RPS6KA5: variants seen among roughly 807,000 people sequenced by gnomAD.
RPS6KA5 encodes the protein ribosomal protein S6 kinase alpha-5.
RPS6KA5 carries 27 observed loss-of-function variants against 85.5 expected under a neutral mutation model. That is an observed-to-expected ratio of 0.32 (90% CI 0.23 to 0.44). The LOEUF is 0.44. Among genes scored for constraint, RPS6KA5 ranks in the 20% least tolerant of loss-of-function variants. The pLI, the probability that RPS6KA5 is intolerant of heterozygous loss-of-function variation, is 1.00. For synonymous variants in RPS6KA5, 334 were observed against 348.2 expected, an observed-to-expected ratio of 0.96 and a Z score of 0.46; for missense variants, 811 against 980.9, an observed-to-expected ratio of 0.83 and a Z score of 2.31.
intron 7 of RPS6KA5, among the ~76,000 whole-genome samples, chr14:90,913,485 C>G (rs2035944792): frequency 6.6e-6 from 1 of 151,380 alleles, no homozygotes; most frequent in African/African-American, 2.5e-5. Context: ...ATGGCTAAGG[C>G]TTCCTTAGTG....
At chr14:91,010,677 A>AT (rs1158371143) in intron 1 of RPS6KA5, among the ~76,000 whole-genome samples, 1 of 152,206 alleles carries the variant, frequency 6.6e-6, no homozygotes, top group Non-Finnish European at 1.5e-5. Context: ...TGTTCAAGGA[A>AT]TGAGGGTATA....
At chr14:90,895,148 ATGTGAGGCCTGGCACACC>A (rs2034765015) in intron 12 of RPS6KA5, among the ~76,000 whole-genome samples, 1 of 148,834 alleles carries the variant, frequency 6.7e-6, no homozygotes, top group African/African-American at 2.5e-5. Flanking sequence ...GGGTGTGCCC[ATGTGAGGCCTGGCACACC>A]CATCCAAGGC....
intron 1 of RPS6KA5, among the ~76,000 whole-genome samples, chr14:91,032,424 GCA>G (rs1300458215): frequency 6.6e-6 from 1 of 152,058 alleles, no homozygotes; most frequent in African/African-American, 2.4e-5. Context: ...AGCTAAACAC[GCA>G]CAGTTACTAT....
intron 8 of RPS6KA5, among the ~76,000 whole-genome samples, chr14:90,904,577 G>T (rs2035396858): frequency 6.6e-6 from 1 of 152,076 alleles, no homozygotes; most frequent in African/African-American, 2.4e-5. Context: ...CACATAACTT[G>T]TGCTTGGCCA....
At chr14:91,045,015 T>C (rs1284390465) in intron 1 of RPS6KA5, among the ~76,000 whole-genome samples, 1 of 152,038 alleles carries the variant, frequency 6.6e-6, no homozygotes, top group African/African-American at 2.4e-5. Flanking sequence ...TGGAAGTAGA[T>C]TTTTACCCAC....
chr14:91,050,572 G>T (rs556491185), intron 1 of RPS6KA5, among the ~76,000 whole-genome samples: 14 of 152,146 alleles, frequency 9.2e-5, no homozygotes, highest in African/African-American at 3.4e-4. Context: ...GGGATTATAG[G>T]CATCTGCCAC....
intron 1 of RPS6KA5, among the ~76,000 whole-genome samples, chr14:91,045,460 C>T (rs1258372794): frequency 4.6e-5 from 7 of 152,214 alleles, no homozygotes; most frequent in South Asian, 2.1e-4. Context: ...GATGGGGTTT[C>T]GCCGTGTTGG....
Position 90,871,696 on chromosome 14 carries a change from A to G in RPS6KA5, c.*378T>C, listed in dbSNP as rs1346635547. 1 of 158,870 alleles carries G rather than the reference A, an allele frequency of 6.3e-6. No homozygotes were observed. The allele number at this position is 158,870 out of a possible 1,614,324, so 9.8% of individuals were successfully genotyped here. On this transcript the variant is annotated 3_prime_UTR_variant, in exon 17 of 17. Transcript: ENST00000614987. ...AAGGGTGCAAATTTCAAAAACCCAC[A>G]TTGTCCACAAGGCAAAGCAAAAGGT...
chr14:90,953,729 A>G (rs535514808), intron 3 of RPS6KA5, among the ~76,000 whole-genome samples: 46 of 152,298 alleles, frequency 3.0e-4, no homozygotes, highest in African/African-American at 1.0e-3. Flanking sequence ...TGCAGTTGAG[A>G]TAAGGACTGA....
At chr14:90,943,254 T>C (rs2037680626) in intron 4 of RPS6KA5, 69 bp from the exon 5 acceptor site, 1 of 835,920 alleles carries the variant, frequency 1.2e-6, no homozygotes, top group Admixed American at 2.7e-5. Context: ...GTCTTTCTCG[T>C]CTACCTTTAT....
chr14:90,983,787 T>C (rs1336292262), intron 2 of RPS6KA5, among the ~76,000 whole-genome samples: 105 of 129,400 alleles, frequency 8.1e-4, no homozygotes, highest in East Asian at 4.2e-3. Flanking sequence ...CTTTCTTTCT[T>C]TCTCTCTCTC....
chr14:90,856,278 G>A lies in RPS6KA5; in HGVS notation c.*15796C>T, dbSNP rs566035401. On this transcript the variant is annotated 3_prime_UTR_variant, in exon 17 of 17. Transcript: ENST00000614987. ...GCTTCAGAGTTGATGCCAAAGAAAG[G>A]GGGGCAGGATGGCATTCTCTGAATA... The A allele has an allele frequency of 1.2e-4, 19 of 152,290 alleles. No homozygotes were observed. The highest frequency in any genetic ancestry group is 3.9e-4 in the African/African-American group (16 of 41,542). The allele number at this position is 152,290 out of a possible 1,614,324, so 9.4% of individuals were successfully genotyped here.
chr14:90,954,600 CAGG>C (rs2038402407), intron 3 of RPS6KA5, among the ~76,000 whole-genome samples: 3 of 152,122 alleles, frequency 2.0e-5, no homozygotes, highest in African/African-American at 7.2e-5. Flanking sequence ...TTTTAGTAGA[CAGG>C]AGGTTTCACC....
intron 2 of RPS6KA5, among the ~76,000 whole-genome samples, chr14:90,993,906 C>T (rs1352831584): frequency 4.6e-5 from 7 of 151,672 alleles, no homozygotes; most frequent in Admixed American, 4.6e-4. Context: ...TATCTATTCT[C>T]TATTTTTTTT....
chr14:91,051,798 A>T (rs991708686), intron 1 of RPS6KA5, among the ~76,000 whole-genome samples: 10 of 146,686 alleles, frequency 6.8e-5, no homozygotes, highest in African/African-American at 1.8e-4. Flanking sequence ...CGAAAGATTT[A>T]AAAAAAAAAG....
intron 6 of RPS6KA5, among the ~76,000 whole-genome samples, chr14:90,921,215 A>G (rs1447873936): frequency 6.6e-6 from 1 of 152,170 alleles, no homozygotes. Context: ...ATGAGCCTAG[A>G]GCTATTAAGA....
intron 8 of RPS6KA5, among the ~76,000 whole-genome samples, chr14:90,905,229 A>T (rs564879868): frequency 6.6e-6 from 1 of 152,150 alleles, no homozygotes; most frequent in Admixed American, 6.5e-5. Flanking sequence ...TTATATATTT[A>T]AAAAATAATA....
At position 90,875,218 on chromosome 14, in the gene RPS6KA5, G is replaced by A. The variant is rs1290821786; in HGVS notation, c.1979C>T (p.Ala660Val). The A allele has an allele frequency of 6.2e-7, 1 of 1,613,028 alleles. No homozygotes were observed. Among genetic ancestry groups the A allele is most frequent in the Admixed American group, 1.7e-5 (1 of 59,788 alleles). Residue 660 changes from alanine (A) to valine (V), a missense_variant, in exon 15 of 17, where the codon GCT becomes GTT. Ala to Val is a moderately conservative substitution (Grantham distance 64, BLOSUM62 0). Transcript: ENST00000614987. ...GEAWKNVSQEAKDLIQGLLTV... is the reference protein window; with the variant it reads ...GEAWKNVSQEVKDLIQGLLTV... ...ATTCTTACCTTGGATCAAATCTTTA[G>A]CCTCTTGGGATACATTCTTCCAGGC...
chr14:90,902,704 TCC>T lies in RPS6KA5; in HGVS notation c.1119+102_1119+103del, dbSNP rs1456824630. ...TAATAATTTAGAGGATATTAGAGAATCCCATTTTTATGATGCCAACAAAACTA... is the reference window on the plus strand; with the variant it reads ...TAATAATTTAGAGGATATTAGAGAATCATTTTTATGATGCCAACAAAACTA... On this transcript the variant is annotated intron_variant, in intron 9 of 16. Coordinates refer to ENST00000614987, the MANE Select transcript of RPS6KA5 (RefSeq NM_004755.4). The T allele has an allele frequency of 8.6e-5, 88 of 1,026,648 alleles. 1 individual carries two copies. In the East Asian group the frequency reaches 1.0e-3, roughly 12 times the overall value. 63.6% of individuals were successfully genotyped at this position (1,026,648 alleles called of 1,614,324 possible). A position where few individuals can be genotyped will look rare whatever the true frequency, so the allele number is the denominator to read the frequency against.
Sources: gnomAD v4.1 joint callset for allele counts (sites outside exome capture counted in the v4.1 genomes callset) on GRCh38, gnomAD v4.1.1 for gene constraint, MANE v1.5 for transcripts, NCBI Gene and HGNC (gene_info 2026-07-23, HGNC 2026-07-21) for gene names.